The following SSBP2 variants were observed in gnomAD, a reference collection of about 807,000 sequenced individuals.
The protein encoded by SSBP2 is single stranded DNA binding protein 2.
In SSBP2, 17 loss-of-function variants were observed where a neutral mutation model predicts 61.8. The observed-to-expected ratio is 0.28, with a 90% CI of 0.19 to 0.41. The LOEUF (loss-of-function observed/expected upper bound fraction) is 0.41. Among genes scored for constraint, SSBP2 ranks in the 10% least tolerant of loss-of-function variants. The pLI, the probability that SSBP2 is intolerant of heterozygous loss-of-function variation, is 1.00. For missense variants in SSBP2, 310 were observed against 458.7 expected, an observed-to-expected ratio of 0.68 and a Z score of 2.96; for synonymous variants, 139 against 141.3, an observed-to-expected ratio of 0.98 and a Z score of 0.12.
chr5:81,435,549 C>T (rs1316447417), intron 15 of SSBP2, among the ~76,000 whole-genome samples: 1 of 152,064 alleles, frequency 6.6e-6, no homozygotes, highest in Non-Finnish European at 1.5e-5. Context: ...AAACTTGTAT[C>T]CGAAAACAGG....
intron 1 of SSBP2, among the ~76,000 whole-genome samples, chr5:81,682,986 T>G (rs1449489031): frequency 2.0e-5 from 3 of 150,892 alleles, no homozygotes; most frequent in African/African-American, 7.3e-5. Context: ...GAGGAGAACT[T>G]CAAAACTCTG....
chr5:81,511,198 T>C (rs1394754029), intron 5 of SSBP2, among the ~76,000 whole-genome samples: 5 of 152,220 alleles, frequency 3.3e-5, no homozygotes, highest in African/African-American at 1.2e-4. Context: ...TTCCTAACTA[T>C]GCACCTCCCA....
intron 1 of SSBP2, among the ~76,000 whole-genome samples, chr5:81,717,996 C>T (rs1755281453): frequency 6.6e-6 from 1 of 152,166 alleles, no homozygotes; most frequent in Non-Finnish European, 1.5e-5. Context: ...GACTTCACTT[C>T]TAACTTTGTA....
chr5:81,701,709 A>G (rs933565177), intron 1 of SSBP2, among the ~76,000 whole-genome samples: 1 of 152,186 alleles, frequency 6.6e-6, no homozygotes, highest in African/African-American at 2.4e-5. Flanking sequence ...CAAAAGCACT[A>G]AAGGAATAGA....
chr5:81,526,741 T>G (rs181663879), intron 4 of SSBP2, among the ~76,000 whole-genome samples: 113 of 152,152 alleles, frequency 7.4e-4, no homozygotes, highest in African/African-American at 2.5e-3. Context: ...AGATGTGACA[T>G]TGTGCTCAGC....
intron 1 of SSBP2, among the ~76,000 whole-genome samples, chr5:81,702,651 A>G (rs181193691): frequency 6.6e-6 from 1 of 152,324 alleles, no homozygotes; most frequent in East Asian, 1.9e-4. Context: ...GCTCTCTGCT[A>G]GTGCTCAATC....
At chr5:81,515,989 A>C (rs1433367363) in intron 4 of SSBP2, among the ~76,000 whole-genome samples, 1 of 151,958 alleles carries the variant, frequency 6.6e-6, no homozygotes, top group African/African-American at 2.4e-5. Flanking sequence ...TTAATGTAAT[A>C]GGAAAAAAAA....
intron 4 of SSBP2, among the ~76,000 whole-genome samples, chr5:81,536,903 C>T (rs920558000): frequency 1.3e-5 from 2 of 151,954 alleles, no homozygotes; most frequent in African/African-American, 4.8e-5. Context: ...CGCCTGTAAT[C>T]CCAGCTAGGA....
chr5:81,507,936 A>G (rs186530593), intron 5 of SSBP2, among the ~76,000 whole-genome samples: 14 of 152,296 alleles, frequency 9.2e-5, no homozygotes, highest in Admixed American at 7.2e-4. Context: ...ATCATTATAC[A>G]TAAGTGAGAA....
At chr5:81,663,694 A>G (rs1025006430) in intron 1 of SSBP2, among the ~76,000 whole-genome samples, 1 of 152,140 alleles carries the variant, frequency 6.6e-6, no homozygotes, top group Non-Finnish European at 1.5e-5. Flanking sequence ...ACCTGACCAT[A>G]ATATCCTATA....
chr5:81,625,329 T>C (rs932767944), intron 3 of SSBP2, among the ~76,000 whole-genome samples: 5 of 152,080 alleles, frequency 3.3e-5, no homozygotes. Context: ...TCAGAAAATT[T>C]TGAACCTCTA....
At position 81,624,384 on chromosome 5, in the gene SSBP2, T is replaced by C. The variant is rs1025868569; in HGVS notation, c.198-8827A>G. On this transcript the variant is annotated intron_variant, in intron 3 of 16. Transcript: ENST00000320672. ...CCTATTTGTAAAACAAGGTTGAGTA[T>C]CCCTTATCTGAAATTCTTGGGACCA... 2.0e-5 allele frequency among the ~76,000 whole-genome samples: 3 copies of C among 152,164 alleles called. No individual in the cohort carries two copies. The East Asian group carries it at 5.8e-4, about 29-fold the overall frequency.
At chr5:81,728,352 T>A (rs1377536426) in intron 1 of SSBP2, among the ~76,000 whole-genome samples, 2 of 152,204 alleles carry the variant, frequency 1.3e-5, no homozygotes, top group African/African-American at 4.8e-5. Flanking sequence ...CATCTTTTTT[T>A]AAATAAATAA....
chr5:81,727,619 C>A (rs1340402020), intron 1 of SSBP2, among the ~76,000 whole-genome samples: 1 of 152,104 alleles, frequency 6.6e-6, no homozygotes, highest in Admixed American at 6.5e-5. Flanking sequence ...GCATTAAAAT[C>A]ATTTTATGGA....
At chr5:81,449,159 C>T (rs1763600630) in intron 10 of SSBP2, among the ~76,000 whole-genome samples, 1 of 151,976 alleles carries the variant, frequency 6.6e-6, no homozygotes, top group East Asian at 1.9e-4. Context: ...AAATGGGAAA[C>T]CAGAATTTTT....
intron 3 of SSBP2, among the ~76,000 whole-genome samples, chr5:81,631,388 CAA>C (rs1174847405): frequency 1.3e-5 from 2 of 150,482 alleles, no homozygotes; most frequent in African/African-American, 4.9e-5. Context: ...GCATGGCACT[CAA>C]AGAGAGCTTT....
At chr5:81,709,616 T>C (rs929155734) in intron 1 of SSBP2, among the ~76,000 whole-genome samples, 2 of 151,930 alleles carry the variant, frequency 1.3e-5, no homozygotes, top group Non-Finnish European at 2.9e-5. Context: ...TCATGTCTAA[T>C]TTGAGCTCTA....
intron 16 of SSBP2, among the ~76,000 whole-genome samples, chr5:81,422,310 T>C (rs1480127556): frequency 2.0e-5 from 3 of 151,982 alleles, no homozygotes. Context: ...TACTGATGTA[T>C]GGATGGATTA....
intron 4 of SSBP2, among the ~76,000 whole-genome samples, chr5:81,526,993 G>GT (rs563782059): frequency 6.9e-4 from 105 of 151,828 alleles, no homozygotes; most frequent in African/African-American, 2.4e-3. Context: ...GAAAGAAAAA[G>GT]TAACGCAACA....
Sources: allele counts gnomAD v4.1 joint callset (sites outside exome capture counted in the v4.1 genomes callset), GRCh38; gene constraint gnomAD v4.1.1; transcripts MANE v1.5; gene names NCBI Gene and HGNC (gene_info 2026-07-23, HGNC 2026-07-21).